CDKL5: variants seen among roughly 807,000 people sequenced by gnomAD.
CDKL5 encodes the protein cyclin-dependent kinase-like 5.
In CDKL5, 8 loss-of-function variants were observed where a neutral mutation model predicts 61.7. The ratio of observed to expected loss-of-function variants is 0.13; its 90% CI spans 0.08 to 0.23. The LOEUF is 0.23. CDKL5 is among the 10% of genes least tolerant of loss of function. The pLI, the probability that CDKL5 is intolerant of heterozygous loss-of-function variation, is 1.00. For synonymous variants in CDKL5, 275 were observed against 272.3 expected, an observed-to-expected ratio of 1.01 and a Z score of -0.10; for missense variants, 440 against 734.5, an observed-to-expected ratio of 0.60 and a Z score of 4.63.
intron 1 of CDKL5, among the ~76,000 whole-genome samples, chrX:18,492,326 C>T (rs959978913): frequency 2.7e-5 from 3 of 111,069 alleles, no homozygotes; most frequent in Admixed American, 9.6e-5. Flanking sequence ...ATTGGGTTTC[C>T]GCCCCTCTTA....
At chrX:18,594,646 C>T (rs1345042677) in intron 9 of CDKL5, among the ~76,000 whole-genome samples, 2 of 112,180 alleles carry the variant, frequency 1.8e-5, no homozygotes, top group Non-Finnish European at 3.8e-5. Context: ...ATCCTTTCTG[C>T]TAGACCCTCA....
In CDKL5 at chrX:18,635,882, A is replaced by T. The variant is rs1000669178; in HGVS notation, c.*7125A>T. 1.8e-5 allele frequency: 2 copies of T among 112,130 alleles called. No individual in the cohort carries two copies. Among genetic ancestry groups the T allele is most frequent in the African/African-American group, 6.5e-5 (2 of 30,799 alleles). The allele number at this position is 112,130 out of a possible 1,213,427, so 9.2% of individuals were successfully genotyped here. A position where few individuals can be genotyped will look rare whatever the true frequency, so the allele number is the denominator to read the frequency against. ...TGTGGCCCATCAGTTCCCTGTCAAC[A>T]TTACTCAGCTCTGCCTTTGTATTGC... On this transcript the variant is annotated 3_prime_UTR_variant, in exon 18 of 18. Transcript: ENST00000623535.
At chrX:18,589,222 A>G (rs1277906837) in intron 9 of CDKL5, 1 of 110,194 alleles carries the variant, frequency 9.1e-6, no homozygotes, top group East Asian at 2.9e-4. Flanking sequence ...TACATGTGCC[A>G]TGTTGGTGTG....
chrX:18,557,184 T>G (rs987056812), intron 3 of CDKL5, among the ~76,000 whole-genome samples: 2 of 111,402 alleles, frequency 1.8e-5, no homozygotes, highest in Admixed American at 9.6e-5. Flanking sequence ...TCCACATCGA[T>G]GAATTCAACC....
chrX:18,609,587 CA>C lies in CDKL5; in HGVS notation c.2152+18del, dbSNP rs1277732313. Reference sequence around the variant, plus strand: ...TTTACAGAGGTAAGCCCACCCCCGGCATTCAACAGGTTCCCCTCTCCTCCCT... The same window carrying C: ...TTTACAGAGGTAAGCCCACCCCCGGCTTCAACAGGTTCCCCTCTCCTCCCT... On this transcript the variant is annotated intron_variant, in intron 14 of 17. Transcript: ENST00000623535. 7.5e-6 allele frequency: 9 copies of C among 1,207,952 alleles called. No individual in the cohort carries two copies. In the Admixed American group the frequency reaches 2.0e-4, roughly 26 times the overall value.
At chrX:18,577,281 G>C (rs1925329244) in intron 5 of CDKL5, among the ~76,000 whole-genome samples, 2 of 111,171 alleles carry the variant, frequency 1.8e-5, no homozygotes, top group Non-Finnish European at 3.8e-5. Flanking sequence ...AGATCTCCCT[G>C]CTGGTAAATG....
chrX:18,555,836 T>C (rs999706728), intron 3 of CDKL5, among the ~76,000 whole-genome samples: 4 of 112,392 alleles, frequency 3.6e-5, no homozygotes, highest in African/African-American at 9.7e-5. Flanking sequence ...CATTTGTTAG[T>C]TGACTGATTG....
chrX:18,555,689 T>C (rs1924576715), intron 3 of CDKL5, among the ~76,000 whole-genome samples: 1 of 112,478 alleles, frequency 8.9e-6, no homozygotes. Context: ...GCTTTTGTCA[T>C]GCATTTTTAA....
chrX:18,433,419 G>A (rs776123189), intron 1 of CDKL5, among the ~76,000 whole-genome samples: 3 of 111,025 alleles, frequency 2.7e-5, no homozygotes, highest in South Asian at 7.5e-4. Flanking sequence ...GCCTGGTGGC[G>A]CATGCCTATA....
intron 15 of CDKL5, 26 bp from the exon 16 acceptor site, chrX:18,619,841 T>C (rs1926833834): frequency 1.0e-6 from 1 of 969,488 alleles, no homozygotes; most frequent in Non-Finnish European, 1.5e-6. Flanking sequence ...GAAAAATCAA[T>C]ATGATAAAAA....
chrX:18,518,614 C>T (rs1923135135), intron 3 of CDKL5, among the ~76,000 whole-genome samples: 1 of 107,434 alleles, frequency 9.3e-6, no homozygotes, highest in Admixed American at 1.0e-4. Flanking sequence ...CCATGTTGGC[C>T]AGGATGATCT....
At chrX:18,492,968 T>C (rs758603420) in intron 1 of CDKL5, among the ~76,000 whole-genome samples, 3 of 111,927 alleles carry the variant, frequency 2.7e-5, no homozygotes, top group Non-Finnish European at 3.8e-5. Flanking sequence ...CCCAACCTGC[T>C]GTTTCTCCAG....
chrX:18,489,038 A>T (rs902400953), intron 1 of CDKL5, among the ~76,000 whole-genome samples: 8 of 111,640 alleles, frequency 7.2e-5, no homozygotes, highest in Admixed American at 5.7e-4. Context: ...ATGGGGAAAA[A>T]AATCTACATT....
intron 11 of CDKL5, among the ~76,000 whole-genome samples, chrX:18,602,772 A>G (rs1450481672): frequency 1.8e-5 from 2 of 111,839 alleles, no homozygotes; most frequent in Non-Finnish European, 3.8e-5. Context: ...ACAGACTACC[A>G]TTCTACATGA....
At chrX:18,530,779 T>C (rs1228266563) in intron 3 of CDKL5, among the ~76,000 whole-genome samples, 1 of 111,785 alleles carries the variant, frequency 8.9e-6, no homozygotes, top group Non-Finnish European at 1.9e-5. Context: ...ACTGAATAAA[T>C]AGGCCTTTAG....
At chrX:18,595,311 C>A in intron 9 of CDKL5, 37 bp from the exon 10 acceptor site, 1 of 1,006,635 alleles carries the variant, frequency 9.9e-7, no homozygotes. Context: ...CATGTCCTTC[C>A]CCAAATGTTA....
intron 9 of CDKL5, among the ~76,000 whole-genome samples, chrX:18,592,013 A>C (rs777259633): frequency 8.9e-6 from 1 of 112,312 alleles, no homozygotes; most frequent in South Asian, 3.7e-4. Flanking sequence ...GCTAGGCTGA[A>C]TAGTGTTGAA....
chrX:18,488,723 G>C (rs182918603), intron 1 of CDKL5, among the ~76,000 whole-genome samples: 21 of 111,450 alleles, frequency 1.9e-4, no homozygotes, highest in Admixed American at 1.8e-3. Flanking sequence ...ATTCTAAGCC[G>C]CCCAGCCAAC....
In CDKL5 at chrX:18,501,472, C is replaced by T. The variant is rs1045512812; in HGVS notation, c.-162-5463C>T. On this transcript the variant is annotated intron_variant, in intron 1 of 17. Transcript: ENST00000623535. ...TACAGGCATGAGCCATCTCACCTGG[C>T]CTAATTCCCAGTTTTTATTACTCAG... is the stretch of plus-strand genomic sequence containing the variant. Among the ~76,000 whole-genome samples the T allele has an allele frequency of 6.3e-5, 7 of 111,268 alleles. No individual in the cohort carries two copies. In the East Asian group the frequency reaches 2.0e-3, roughly 31 times the overall value.
Sources: gnomAD v4.1 joint callset for allele counts (sites outside exome capture counted in the v4.1 genomes callset) on GRCh38, gnomAD v4.1.1 for gene constraint, MANE v1.5 for transcripts, NCBI Gene and HGNC (gene_info 2026-07-23, HGNC 2026-07-21) for gene names.